Variants in SPAG17 observed in about 807,000 individuals in gnomAD.
SPAG17 encodes sperm associated antigen 17.
Under a neutral mutation model 273.6 loss-of-function variants are expected in SPAG17, and 169 were observed. That is an observed-to-expected ratio of 0.62 (90% CI 0.55 to 0.70). The LOEUF is 0.70. Among genes scored for constraint, SPAG17 ranks in the 30% least tolerant of loss-of-function variants. The pLI is 0.00. For synonymous variants in SPAG17, 825 were observed against 873.2 expected, an observed-to-expected ratio of 0.94 and a Z score of 0.97; for missense variants, 2,557 against 2,627.8, an observed-to-expected ratio of 0.97 and a Z score of 0.59.
intron 48 of SPAG17, among the ~76,000 whole-genome samples, chr1:117,957,982 T>C (rs1419718115): frequency 6.6e-6 from 1 of 152,224 alleles, no homozygotes; most frequent in Non-Finnish European, 1.5e-5. Flanking sequence ...TTATGAAGAT[T>C]CTGTTAATAG....
At chr1:118,101,624 G>A (rs1656067952) in intron 5 of SPAG17, 116 bp downstream of exon 5, 5 of 968,760 alleles carry the variant, frequency 5.2e-6, no homozygotes, top group Non-Finnish European at 7.7e-6. Context: ...TGATTGTGGG[G>A]GAATTGGCGT....
chr1:118,072,817 C>T (rs1653732709), intron 17 of SPAG17, among the ~76,000 whole-genome samples: 1 of 151,876 alleles, frequency 6.6e-6, no homozygotes, highest in Non-Finnish European at 1.5e-5. Context: ...TGAGCCTGTA[C>T]CTGTACATGC....
chr1:117,970,561 G>C (rs1252047279), intron 45 of SPAG17, among the ~76,000 whole-genome samples: 1 of 152,186 alleles, frequency 6.6e-6, no homozygotes, highest in African/African-American at 2.4e-5. Context: ...TTTGAGGAGA[G>C]GAGAAACAGA....
chr1:118,015,101 A>G (rs1390946434), intron 29 of SPAG17, among the ~76,000 whole-genome samples: 1 of 151,906 alleles, frequency 6.6e-6, no homozygotes, highest in East Asian at 1.9e-4. Flanking sequence ...CTTGGCCAAC[A>G]TGGCAAAACC....
chr1:117,991,744 C>A (rs1235052740), intron 36 of SPAG17, among the ~76,000 whole-genome samples: 1 of 152,182 alleles, frequency 6.6e-6, no homozygotes, highest in Non-Finnish European at 1.5e-5. Flanking sequence ...TTAAGGGCCA[C>A]AGGATAGAAC....
intron 22 of SPAG17, 55 bp downstream of exon 22, chr1:118,040,675 A>G (rs1571317181): frequency 3.3e-6 from 4 of 1,214,932 alleles, no homozygotes; most frequent in Non-Finnish European, 2.4e-6. Flanking sequence ...GCCCCTGGTT[A>G]TCTGAAATGC....
chr1:118,052,602 T>C (rs979889859), intron 20 of SPAG17, among the ~76,000 whole-genome samples: 2 of 152,068 alleles, frequency 1.3e-5, no homozygotes, highest in African/African-American at 4.8e-5. Context: ...TGTTAATCAG[T>C]TTGATTTAGC....
At chr1:118,117,281 A>G (rs1657146065) in intron 3 of SPAG17, among the ~76,000 whole-genome samples, 1 of 152,076 alleles carries the variant, frequency 6.6e-6, no homozygotes. Context: ...TTTCCTGACG[A>G]CCTGTGAAAA....
intron 18 of SPAG17, among the ~76,000 whole-genome samples, chr1:118,060,194 T>C (rs1482452875): frequency 6.6e-6 from 1 of 152,192 alleles, no homozygotes; most frequent in Admixed American, 6.5e-5. Context: ...TTCATGTGTT[T>C]ATTATAGATT....
chr1:118,069,293 C>T (rs910995297), intron 17 of SPAG17, among the ~76,000 whole-genome samples: 3 of 141,366 alleles, frequency 2.1e-5, no homozygotes, highest in African/African-American at 5.3e-5. Flanking sequence ...TGCAGTGAGC[C>T]GAGAGCATGC....
At chr1:118,066,983 C>T (rs1464138843) in intron 17 of SPAG17, 84 bp from the exon 18 acceptor site, 1 of 1,278,884 alleles carries the variant, frequency 7.8e-7, no homozygotes, top group South Asian at 1.6e-5. Context: ...TCTCTACTCC[C>T]TTTTTTTCCT....
At chr1:118,078,784 T>G (rs529230769) in intron 15 of SPAG17, among the ~76,000 whole-genome samples, 28 of 152,218 alleles carry the variant, frequency 1.8e-4, no homozygotes, top group African/African-American at 6.0e-4. Context: ...GTTTCATAAA[T>G]TGCTACAGAG....
At chr1:118,127,592 A>G (rs1395519950) in intron 3 of SPAG17, among the ~76,000 whole-genome samples, 1 of 152,218 alleles carries the variant, frequency 6.6e-6, no homozygotes, top group Non-Finnish European at 1.5e-5. Flanking sequence ...ATATTTCAAC[A>G]TGATATTTGG....
chr1:118,035,033 A>G (rs1007243296), intron 24 of SPAG17, among the ~76,000 whole-genome samples: 3 of 152,178 alleles, frequency 2.0e-5, no homozygotes, highest in South Asian at 2.1e-4. Flanking sequence ...TGCCTACCCA[A>G]TTAAAGGGGG....
At chr1:118,094,583 A>G (rs1184580735) in intron 7 of SPAG17, among the ~76,000 whole-genome samples, 1 of 152,244 alleles carries the variant, frequency 6.6e-6, no homozygotes, top group Non-Finnish European at 1.5e-5. Flanking sequence ...TGAAGCCATT[A>G]TCAATTTACA....
chr1:118,091,572 C>T, intron 10 of SPAG17, 34 bp downstream of exon 10: 2 of 1,205,976 alleles, frequency 1.7e-6, no homozygotes, highest in Non-Finnish European at 2.4e-6. Context: ...AAACGACTTA[C>T]TCAAGTATAC....
chr1:118,025,155 C>A, intron 27 of SPAG17, 83 bp downstream of exon 27: 1 of 1,209,184 alleles, frequency 8.3e-7, no homozygotes, highest in South Asian at 1.5e-5. Flanking sequence ...GTTCCTTTTC[C>A]CTGTTATAGA....
intron 28 of SPAG17, among the ~76,000 whole-genome samples, chr1:118,018,573 C>T (rs949314751): frequency 2.6e-5 from 4 of 151,720 alleles, no homozygotes; most frequent in Admixed American, 2.6e-4. Flanking sequence ...TGGCTCACAC[C>T]TATAATCTTA....
chr1:117,953,823 G>A lies in SPAG17; in HGVS notation c.*227C>T. 1 of 611,118 alleles carries A rather than the reference G, an allele frequency of 1.6e-6. No homozygotes were observed. The highest frequency in any genetic ancestry group is 2.8e-6 in the Non-Finnish European group (1 of 353,920). 37.9% of individuals were successfully genotyped at this position (611,118 alleles called of 1,614,324 possible). On this transcript the variant is annotated 3_prime_UTR_variant, in exon 49 of 49. Transcript: ENST00000336338. ...GTCCATGACACTCAGTCTCTTCCCT[G>A]TACATTAAAAAATAAGAAAACCAAA...
Sources: gnomAD v4.1 joint callset for allele counts (sites outside exome capture counted in the v4.1 genomes callset) on GRCh38, gnomAD v4.1.1 for gene constraint, MANE v1.5 for transcripts, NCBI Gene and HGNC (gene_info 2026-07-23, HGNC 2026-07-21) for gene names.